The following SLC35B4 variants were observed in gnomAD, a reference collection of about 807,000 sequenced individuals.
The protein encoded by SLC35B4 is nucleotide sugar transporter SLC35B4.
Under a neutral mutation model 39.5 loss-of-function variants are expected in SLC35B4, and 28 were observed. The observed-to-expected ratio is 0.71, with a 90% CI of 0.53 to 0.97. The LOEUF (loss-of-function observed/expected upper bound fraction) is 0.97, where lower values mean the gene tolerates loss of function less well. Ranked by LOEUF, SLC35B4 falls within the 50% of genes least tolerant of loss-of-function variation. The pLI, the probability that SLC35B4 is intolerant of heterozygous loss-of-function variation, is 0.00. For synonymous variants in SLC35B4, 145 were observed against 150.4 expected (o/e 0.96, Z 0.26); for missense variants, 334 against 414.3 (o/e 0.81, Z 1.68).
chr7:134,320,207 G>A (rs971314287), upstream of SLC35B4, among the ~76,000 whole-genome samples: 6 of 152,166 alleles, frequency 3.9e-5, no homozygotes, highest in African/African-American at 1.4e-4. Context: ...GTCCTCTTGG[G>A]GTTCTCATGC....
intron 4 of SLC35B4, 47 bp downstream of exon 4, chr7:134,304,758 C>A: frequency 6.9e-7 from 1 of 1,454,134 alleles, no homozygotes; most frequent in South Asian, 1.2e-5. Context: ...TGGACAGGGG[C>A]TCAGGGTATC....
intron 1 of SLC35B4, among the ~76,000 whole-genome samples, chr7:134,311,292 T>C (rs931011781): frequency 6.6e-6 from 1 of 152,218 alleles, no homozygotes; most frequent in African/African-American, 2.4e-5. Flanking sequence ...GAAGGAACTT[T>C]AACTCTAGAT....
At chr7:134,309,061 G>C (rs1803774071) in intron 2 of SLC35B4, among the ~76,000 whole-genome samples, 2 of 152,110 alleles carry the variant, frequency 1.3e-5, no homozygotes, top group Admixed American at 6.5e-5. Context: ...CACCAACACA[G>C]AAGACAGCAC....
intron 8 of SLC35B4, 77 bp from the exon 9 acceptor site, chr7:134,296,543 A>T: frequency 1.0e-6 from 1 of 986,006 alleles, no homozygotes; most frequent in Non-Finnish European, 1.6e-6. Flanking sequence ...AGGGTAATAC[A>T]GACTGAACAT....
chr7:134,311,753 ACTTTTAAAAG>A (rs2117317322), intron 1 of SLC35B4, among the ~76,000 whole-genome samples: 2 of 152,322 alleles, frequency 1.3e-5, no homozygotes, highest in African/African-American at 4.8e-5. Flanking sequence ...TGGAATCTGT[ACTTTTAAAAG>A]CTTTCCACTT....
intron 1 of SLC35B4, among the ~76,000 whole-genome samples, chr7:134,311,869 T>G (rs920783424): frequency 6.6e-6 from 1 of 152,192 alleles, no homozygotes; most frequent in Non-Finnish European, 1.5e-5. Context: ...TATATGTGAA[T>G]GCACAGGTAG....
rs1256617311 is a variant in SLC35B4, at chr7:134,294,639, T to G, written c.*194A>C. The G allele has an allele frequency of 6.7e-6, 4 of 601,042 alleles. No individual in the cohort carries two copies. Among genetic ancestry groups the G allele is most frequent in the Non-Finnish European group, 1.1e-5 (4 of 349,096 alleles). The allele number at this position is 601,042 out of a possible 1,614,324, so 37.2% of individuals were successfully genotyped here. ...TCCAGAACTGTTCTTTTTTCTATTTTAGGGCTGAGGGGTTTCTATTTAGTC... is the reference window on the plus strand; with the variant it reads ...TCCAGAACTGTTCTTTTTTCTATTTGAGGGCTGAGGGGTTTCTATTTAGTC... On this transcript the variant is annotated 3_prime_UTR_variant, in exon 10 of 10. Transcript: ENST00000378509.
chr7:134,315,743 C>G (rs946776207), intron 1 of SLC35B4, among the ~76,000 whole-genome samples: 1 of 151,960 alleles, frequency 6.6e-6, no homozygotes, highest in Non-Finnish European at 1.5e-5. Context: ...GAAACACGAG[C>G]TAGAGAACAC....
At position 134,316,856 on chromosome 7, in the gene SLC35B4, C is replaced by G. The variant is rs888824973; in HGVS notation, c.-105G>C. On this transcript the variant is annotated 5_prime_UTR_variant, in exon 1 of 10. Transcript: ENST00000378509. ...CTCTTCGCTGCGCAGCACATCGCAC[C>G]GTCCTGGAAAGCCGCTCTCACTGGG... is the stretch of plus-strand genomic sequence containing the variant. 3 of 1,194,296 alleles carry G rather than the reference C, an allele frequency of 2.5e-6. No individual in the cohort carries two copies. The highest frequency in any genetic ancestry group is 3.5e-6 in the Non-Finnish European group (3 of 851,106). The allele number at this position is 1,194,296 out of a possible 1,614,324, so 74.0% of individuals were successfully genotyped here.
chr7:134,319,485 A>G (rs1388619905), upstream of SLC35B4, among the ~76,000 whole-genome samples: 1 of 152,098 alleles, frequency 6.6e-6, no homozygotes, highest in Non-Finnish European at 1.5e-5. Flanking sequence ...TCCTCTGACC[A>G]CTGGGTTCTC....
intron 4 of SLC35B4, 151 bp from the exon 5 acceptor site, chr7:134,302,261 C>CA (rs1384442686): frequency 6.1e-6 from 4 of 653,536 alleles, no homozygotes; most frequent in Non-Finnish European, 1.0e-5. Context: ...CAGAAGTATG[C>CA]ATATGAATGA....
chr7:134,319,877 C>T (rs959915746), upstream of SLC35B4, among the ~76,000 whole-genome samples: 2 of 152,148 alleles, frequency 1.3e-5, no homozygotes, highest in African/African-American at 4.8e-5. Flanking sequence ...TCACAAGTAT[C>T]TCTAGATTCC....
At chr7:134,313,430 A>G (rs1323374253) in intron 1 of SLC35B4, among the ~76,000 whole-genome samples, 1 of 152,224 alleles carries the variant, frequency 6.6e-6, no homozygotes, top group East Asian at 1.9e-4. Context: ...AATGTTTCAG[A>G]TTGTTTTTCT....
chr7:134,291,655 C>T lies in SLC35B4; in HGVS notation c.*3178G>A, dbSNP rs148289669. ...CACTGACCAAATCAAAATACTGCAG[C>T]GTTTCACTGTGGTTAACAGGATGGA... On this transcript the variant is annotated 3_prime_UTR_variant, in exon 10 of 10. Coordinates refer to ENST00000378509, the MANE Select transcript of SLC35B4 (RefSeq NM_032826.5). 1 of 152,052 alleles carries T rather than the reference C, an allele frequency of 6.6e-6. No homozygotes were observed. Among genetic ancestry groups the T allele is most frequent in the Non-Finnish European group, 1.5e-5 (1 of 68,024 alleles). 9.4% of individuals were successfully genotyped at this position (152,052 alleles called of 1,614,324 possible). A position where few individuals can be genotyped will look rare whatever the true frequency, so the allele number is the denominator to read the frequency against.
Position 134,316,921 on chromosome 7 carries a change from C to CG in SLC35B4, c.-171dup. Reference sequence around the variant, plus strand: ...CCCCTTCTCCCGCGGCCAACACCGACGCTGCCAAGAAGCTGTAGTTCGCAG... The same window carrying CG: ...CCCCTTCTCCCGCGGCCAACACCGACGGCTGCCAAGAAGCTGTAGTTCGCAG... On this transcript the variant is annotated 5_prime_UTR_variant, in exon 1 of 10. Transcript: ENST00000378509. The CG allele has an allele frequency of 1.6e-6, 1 of 623,142 alleles. No individual in the cohort carries two copies. The allele number at this position is 623,142 out of a possible 1,614,324, so 38.6% of individuals were successfully genotyped here.
intron 1 of SLC35B4, among the ~76,000 whole-genome samples, chr7:134,315,642 C>CAAAA (rs376704817): frequency 1.0e-5 from 1 of 100,010 alleles, no homozygotes; most frequent in African/African-American, 3.7e-5. Flanking sequence ...CTCCCAAATC[C>CAAAA]AAAAAAAAAA....
chr7:134,294,501 C>G lies in SLC35B4; in HGVS notation c.*332G>C, dbSNP rs1416858689. ...CAGCAAGAGAAGGGACAATCTTTTC[C>G]AAGACCATGGATAGTAAGCCTTTTG... On this transcript the variant is annotated 3_prime_UTR_variant, in exon 10 of 10. Transcript: ENST00000378509. 4.4e-6 allele frequency: 1 copy of G among 226,030 alleles called. No individual in the cohort carries two copies. The highest frequency in any genetic ancestry group is 5.0e-5 in the Admixed American group (1 of 20,196). 14.0% of individuals were successfully genotyped at this position (226,030 alleles called of 1,614,324 possible).
At chr7:134,312,261 T>A (rs1017950844) in intron 1 of SLC35B4, among the ~76,000 whole-genome samples, 1 of 152,138 alleles carries the variant, frequency 6.6e-6, no homozygotes, top group African/African-American at 2.4e-5. Flanking sequence ...AGAAAATACA[T>A]GTAAGTGCCA....
In SLC35B4 at chr7:134,306,542, G is replaced by A. The variant is rs377398364; in HGVS notation, c.294+130C>T. On this transcript the variant is annotated intron_variant, in intron 3 of 9. Transcript: ENST00000378509. ...TCAGATGAAAGCCACCCTTGCTCAC[G>A]CATTCACAAACCTATTCTTCTACCC... 502 of 561,410 alleles carry A rather than the reference G, an allele frequency of 8.9e-4. 1 individual carries two copies. Among genetic ancestry groups the A allele is most frequent in the Admixed American group, 1.7e-3 (46 of 26,416 alleles). The allele number at this position is 561,410 out of a possible 1,614,324, so 34.8% of individuals were successfully genotyped here. A position where few individuals can be genotyped will look rare whatever the true frequency, so the allele number is the denominator to read the frequency against.
Sources: allele counts gnomAD v4.1 joint callset (sites outside exome capture counted in the v4.1 genomes callset), GRCh38; gene constraint gnomAD v4.1.1; transcripts MANE v1.5; gene names NCBI Gene and HGNC (gene_info 2026-07-23, HGNC 2026-07-21).